The following STAP1 variants were observed in gnomAD, a reference collection of about 807,000 sequenced individuals.
STAP1 encodes signal-transducing adaptor protein 1.
STAP1 carries 30 observed loss-of-function variants against 37.8 expected under a neutral mutation model. The ratio of observed to expected loss-of-function variants is 0.79; its 90% CI spans 0.59 to 1.08. The LOEUF is 1.08. STAP1 is among the 50% of genes least tolerant of loss of function. The pLI is 0.00. For missense variants in STAP1, 357 were observed against 349.4 expected (o/e 1.02, Z -0.17); for synonymous variants, 130 against 116.0 (o/e 1.12, Z -0.78).
intron 3 of STAP1, among the ~76,000 whole-genome samples, 174 bp from the exon 4 acceptor site, chr4:67,577,029 C>A (rs1034472044): frequency 2.0e-5 from 3 of 152,166 alleles, no homozygotes; most frequent in Admixed American, 6.5e-5. Context: ...AGCTGTATGT[C>A]TTCTGACAAA....
At position 67,581,357 on chromosome 4, in the gene STAP1, A is replaced by C. The variant is rs1424985523; in HGVS notation, c.416A>C (p.His139Pro). Reference sequence around the variant, plus strand: ...CTACCTGGGCAAGTAATTAAACTGCATGAAGTCCTAGAGAGAGAAAAGAAA... The same window carrying C: ...CTACCTGGGCAAGTAATTAAACTGCCTGAAGTCCTAGAGAGAGAAAAGAAA... ...SLLPGQVIKL[H>P]EVLEREKKRR... The change falls in exon 5 of 9, where the codon CAT becomes CCT. Residue 139 changes from histidine to proline, a missense_variant. Physicochemically the swap from His to Pro is moderately conservative, Grantham distance 77. Coordinates refer to ENST00000265404, the MANE Select transcript of STAP1 (RefSeq NM_012108.4). 3 of 1,614,108 alleles carry C rather than the reference A, an allele frequency of 1.9e-6. No individual in the cohort carries two copies. Among genetic ancestry groups the C allele is most frequent in the Non-Finnish European group, 2.5e-6 (3 of 1,179,972 alleles).
chr4:67,585,473 G>A (rs1478741117), intron 6 of STAP1, among the ~76,000 whole-genome samples: 2 of 152,134 alleles, frequency 1.3e-5, no homozygotes, highest in Non-Finnish European at 2.9e-5. Flanking sequence ...CACTAGTCAT[G>A]GGCACTGAAC....
At chr4:67,604,807 G>A (rs1728415914) in intron 8 of STAP1, among the ~76,000 whole-genome samples, 3 of 135,012 alleles carry the variant, frequency 2.2e-5, no homozygotes, top group Admixed American at 7.3e-5. Flanking sequence ...ATCTTGATTA[G>A]ATTGAACCAG....
At chr4:67,590,103 C>T (rs1340927036) in intron 6 of STAP1, among the ~76,000 whole-genome samples, 4 of 152,148 alleles carry the variant, frequency 2.6e-5, no homozygotes, top group African/African-American at 9.7e-5. Context: ...TCCCACTCAT[C>T]CAGCTCCTAA....
At chr4:67,602,927 G>A (rs969404481) in intron 8 of STAP1, among the ~76,000 whole-genome samples, 1 of 152,110 alleles carries the variant, frequency 6.6e-6, no homozygotes, top group Non-Finnish European at 1.5e-5. Context: ...TCATGATTTG[G>A]CAAATGGCTA....
intron 7 of STAP1, among the ~76,000 whole-genome samples, chr4:67,592,270 A>G (rs1728135708): frequency 6.6e-6 from 1 of 152,132 alleles, no homozygotes; most frequent in Non-Finnish European, 1.5e-5. Flanking sequence ...CGGGAACCAC[A>G]GGTGTGTACC....
intron 6 of STAP1, among the ~76,000 whole-genome samples, chr4:67,584,517 A>C (rs1727937782): frequency 1.3e-5 from 2 of 152,310 alleles, no homozygotes; most frequent in East Asian, 3.9e-4. Context: ...GAACCCTCAG[A>C]GGTGACAAAG....
At position 67,580,392 on chromosome 4, in the gene STAP1, A is replaced by G. The variant is rs371788045; in HGVS notation, c.364-913A>G. Among the ~76,000 whole-genome samples, 5 of 152,292 alleles carry G rather than the reference A, an allele frequency of 3.3e-5. No individual in the cohort carries two copies. The East Asian group carries it at 7.7e-4, about 23-fold the overall frequency. On this transcript the variant is annotated intron_variant, in intron 4 of 8. Transcript: ENST00000265404. ...ATTAGTAAATGTTTGTGTAAATTTT[A>G]TATGTACTTGTACGCATATTAAAAC...
At chr4:67,573,990 T>C (rs1036732746) in intron 2 of STAP1, among the ~76,000 whole-genome samples, 3 of 152,210 alleles carry the variant, frequency 2.0e-5, no homozygotes, top group African/African-American at 4.8e-5. Flanking sequence ...AGAGTGGAAA[T>C]TGACCAATTT....
intron 5 of STAP1, among the ~76,000 whole-genome samples, chr4:67,582,976 T>C: frequency 6.6e-6 from 1 of 152,242 alleles, no homozygotes; most frequent in Non-Finnish European, 1.5e-5. Flanking sequence ...ATTTTCAGCT[T>C]ACGATATTTT....
At chr4:67,568,077 G>T (rs184625687) in intron 1 of STAP1, among the ~76,000 whole-genome samples, 25 of 152,294 alleles carry the variant, frequency 1.6e-4, no homozygotes, top group Non-Finnish European at 3.4e-4. Context: ...AGTTCAAAAT[G>T]AATTTAATCT....
chr4:67,595,243 C>T (rs979139036), intron 8 of STAP1, among the ~76,000 whole-genome samples: 13 of 151,548 alleles, frequency 8.6e-5, no homozygotes, highest in Admixed American at 7.9e-4. Context: ...TTGTTCCAGC[C>T]CCATTTGTTT....
intron 5 of STAP1, among the ~76,000 whole-genome samples, chr4:67,582,301 G>GTTT (rs368595773): frequency 4.1e-5 from 6 of 148,054 alleles, no homozygotes; most frequent in Non-Finnish European, 3.0e-5. Context: ...TAACATTTTA[G>GTTT]TTTTTTTTTT....
At chr4:67,562,300 CCA>C (rs1367777163) in intron 1 of STAP1, among the ~76,000 whole-genome samples, 1 of 151,770 alleles carries the variant, frequency 6.6e-6, no homozygotes, top group East Asian at 1.9e-4. Context: ...CAAGATCGTG[CCA>C]CTGCACTCCA....
At chr4:67,568,215 T>A (rs541093772) in intron 1 of STAP1, among the ~76,000 whole-genome samples, 3 of 152,168 alleles carry the variant, frequency 2.0e-5, no homozygotes, top group Admixed American at 1.3e-4. Flanking sequence ...ATAAAGGATA[T>A]GTTAATATTG....
chr4:67,565,589 A>G (rs1490236527), intron 1 of STAP1, among the ~76,000 whole-genome samples: 1 of 152,056 alleles, frequency 6.6e-6, no homozygotes, highest in African/African-American at 2.4e-5. Context: ...TTCTTTTTTT[A>G]AAGTGCCTGA....
At chr4:67,598,312 G>A (rs1445779820) in intron 8 of STAP1, among the ~76,000 whole-genome samples, 6 of 152,058 alleles carry the variant, frequency 3.9e-5, no homozygotes, top group Non-Finnish European at 7.4e-5. Flanking sequence ...GGGATTGCTG[G>A]GTCATATGGT....
intron 1 of STAP1, among the ~76,000 whole-genome samples, chr4:67,566,777 C>G (rs1393202492): frequency 6.6e-6 from 1 of 152,112 alleles, no homozygotes; most frequent in Non-Finnish European, 1.5e-5. Context: ...AGAGACCAGC[C>G]TGCCCAACAT....
chr4:67,581,815 T>C (rs1458294617), intron 5 of STAP1, among the ~76,000 whole-genome samples: 1 of 152,230 alleles, frequency 6.6e-6, no homozygotes, highest in African/African-American at 2.4e-5. Context: ...TGATTTTCTC[T>C]CAGAAAATTA....
Sources: gnomAD v4.1 joint callset for allele counts (sites outside exome capture counted in the v4.1 genomes callset) on GRCh38, gnomAD v4.1.1 for gene constraint, MANE v1.5 for transcripts, NCBI Gene and HGNC (gene_info 2026-07-23, HGNC 2026-07-21) for gene names.